The following PLCH1 variants were observed in gnomAD, a reference collection of about 807,000 sequenced individuals.
The protein encoded by PLCH1 is 1-phosphatidylinositol 4,5-bisphosphate phosphodiesterase eta-1.
PLCH1 carries 60 observed loss-of-function variants against 126.7 expected under a neutral mutation model. The ratio of observed to expected loss-of-function variants is 0.47; its 90% CI spans 0.38 to 0.59. The LOEUF is 0.59. Among genes scored for constraint, PLCH1 ranks in the 20% least tolerant of loss-of-function variants. The probability of loss-of-function intolerance (pLI) is 0.00; values close to 1 mark genes in which losing one functional copy is unlikely to be tolerated. For synonymous variants in PLCH1, 719 were observed against 734.9 expected (o/e 0.98, Z 0.35); for missense variants, 1,723 against 2,040.0 (o/e 0.84, Z 2.99).
At chr3:155,699,082 C>G (rs1465197954) in intron 2 of PLCH1, among the ~76,000 whole-genome samples, 1 of 127,750 alleles carries the variant, frequency 7.8e-6, no homozygotes, top group East Asian at 2.3e-4. Flanking sequence ...AATCTTTTAT[C>G]TTTTTTTTTT....
chr3:155,650,526 A>G (rs577803939), intron 2 of PLCH1, among the ~76,000 whole-genome samples: 2 of 152,360 alleles, frequency 1.3e-5, no homozygotes, highest in Admixed American at 1.3e-4. Context: ...CTGAACTGGA[A>G]TAAGCCTTAA....
intron 2 of PLCH1, among the ~76,000 whole-genome samples, chr3:155,700,463 G>A (rs376995441): frequency 6.6e-6 from 1 of 152,110 alleles, no homozygotes; most frequent in South Asian, 2.1e-4. Flanking sequence ...AGTCCAAAAT[G>A]TTTCTAGTTT....
At chr3:155,636,461 T>C (rs986626838) in intron 2 of PLCH1, among the ~76,000 whole-genome samples, 1 of 152,130 alleles carries the variant, frequency 6.6e-6, no homozygotes, top group Non-Finnish European at 1.5e-5. Flanking sequence ...TAGTTAGATT[T>C]TGTAGGCCAG....
intron 2 of PLCH1, among the ~76,000 whole-genome samples, chr3:155,640,724 G>C (rs1293507184): frequency 6.6e-6 from 1 of 152,114 alleles, no homozygotes; most frequent in African/African-American, 2.4e-5. Flanking sequence ...TTAATTATTA[G>C]ATTATTGGCC....
chr3:155,455,403 A>G (rs1257523971), intron 21 of PLCH1, among the ~76,000 whole-genome samples: 1 of 152,218 alleles, frequency 6.6e-6, no homozygotes, highest in African/African-American at 2.4e-5. Context: ...CTGAACTGGC[A>G]TTGGTCCTAA....
At chr3:155,570,160 C>A (rs1729009471) in intron 6 of PLCH1, among the ~76,000 whole-genome samples, 1 of 152,138 alleles carries the variant, frequency 6.6e-6, no homozygotes, top group South Asian at 2.1e-4. Context: ...AGTCAATCGA[C>A]TCCCAACCTT....
chr3:155,517,098 G>A (rs1038411493), intron 11 of PLCH1, among the ~76,000 whole-genome samples: 1 of 152,148 alleles, frequency 6.6e-6, no homozygotes, highest in African/African-American at 2.4e-5. Flanking sequence ...CTTGAGTCCA[G>A]GAGTTTGATA....
At chr3:155,467,510 G>A (rs1425192119) in intron 21 of PLCH1, among the ~76,000 whole-genome samples, 1 of 151,558 alleles carries the variant, frequency 6.6e-6, no homozygotes, top group African/African-American at 2.4e-5. Flanking sequence ...GGAGGCAGAG[G>A]TTGCAGTGAG....
chr3:155,715,556 C>T (rs1310506526), intron 1 of PLCH1, among the ~76,000 whole-genome samples: 1 of 151,670 alleles, frequency 6.6e-6, no homozygotes, highest in Non-Finnish European at 1.5e-5. Flanking sequence ...CTGCCTGCCT[C>T]AGCCTCCCAA....
chr3:155,578,293 C>T (rs114686519), intron 6 of PLCH1, among the ~76,000 whole-genome samples: 3,132 of 152,288 alleles, frequency 0.021, 123 homozygotes, highest in African/African-American at 0.072. Flanking sequence ...AACTATCAAA[C>T]TACTTAAAAT....
At chr3:155,463,957 T>G (rs901380122) in intron 21 of PLCH1, among the ~76,000 whole-genome samples, 1 of 152,210 alleles carries the variant, frequency 6.6e-6, no homozygotes, top group Non-Finnish European at 1.5e-5. Flanking sequence ...GTTTACTGAA[T>G]GCACATGGGT....
chr3:155,512,466 G>A (rs1719715332), intron 12 of PLCH1, among the ~76,000 whole-genome samples: 3 of 152,168 alleles, frequency 2.0e-5, no homozygotes, highest in Admixed American at 6.5e-5. Context: ...ACTGTGGGAT[G>A]GCACAGGGAG....
chr3:155,514,237 C>A (rs767982792), intron 12 of PLCH1, among the ~76,000 whole-genome samples: 15 of 152,180 alleles, frequency 9.9e-5, no homozygotes, highest in Non-Finnish European at 1.6e-4. Flanking sequence ...AACAGCCTGG[C>A]AGTTGGATGG....
intron 2 of PLCH1, among the ~76,000 whole-genome samples, chr3:155,698,945 T>A (rs2109065782): frequency 6.6e-6 from 1 of 151,656 alleles, no homozygotes; most frequent in South Asian, 2.1e-4. Context: ...TTTATAAAAC[T>A]TAAATGAATG....
At chr3:155,628,884 T>C (rs1485099199) in intron 2 of PLCH1, among the ~76,000 whole-genome samples, 1 of 152,182 alleles carries the variant, frequency 6.6e-6, no homozygotes, top group Non-Finnish European at 1.5e-5. Flanking sequence ...ATATGGGAGA[T>C]GTTATATTCA....
chr3:155,565,321 T>G (rs889854540), intron 7 of PLCH1, among the ~76,000 whole-genome samples: 1 of 152,148 alleles, frequency 6.6e-6, no homozygotes. Flanking sequence ...CCAAATCTCA[T>G]GTTGAAATAT....
Position 155,460,587 on chromosome 3 carries a change from C to G in PLCH1, c.2938+24769G>C, listed in dbSNP as rs7616618. 2.8e-3 allele frequency among the ~76,000 whole-genome samples: 419 copies of G among 151,848 alleles called. 1 individual carries two copies. The highest frequency in any genetic ancestry group is 3.4e-3 in the Middle Eastern group (1 of 292). On this transcript the variant is annotated intron_variant, in intron 21 of 21. Transcript: ENST00000494598. ...ATAGAAAGGAGCAGTGTTAGCCCCC[C>G]CTCCAGGCCAAGATAGTTAATCAGA...
In PLCH1 at chr3:155,734,900, G is replaced by A. The variant is rs1171212188; in HGVS notation, c.-41+9940C>T. On this transcript the variant is annotated intron_variant, in intron 1 of 22. Coordinates refer to ENST00000460012, the MANE Select transcript of PLCH1 (RefSeq NM_014996.4). The stretch of plus-strand genomic sequence containing the variant: ...ATTTTTTTGTATTTTTAGTAGTGAC[G>A]GGGTTTCACCATATTAGCCAGGATG... 6.6e-5 allele frequency among the ~76,000 whole-genome samples: 10 copies of A among 152,040 alleles called. No individual in the cohort carries two copies. The South Asian group carries it at 1.0e-3, about 16-fold the overall frequency.
intron 2 of PLCH1, among the ~76,000 whole-genome samples, chr3:155,631,879 T>A (rs142065377): frequency 7.3e-5 from 11 of 150,026 alleles, no homozygotes; most frequent in African/African-American, 2.2e-4. Context: ...TTTCCCTACG[T>A]GAACAAGTGA....
Sources: allele counts gnomAD v4.1 joint callset (sites outside exome capture counted in the v4.1 genomes callset), GRCh38; gene constraint gnomAD v4.1.1; transcripts MANE v1.5; gene names NCBI Gene and HGNC (gene_info 2026-07-23, HGNC 2026-07-21).